CSMD3: variants seen among roughly 807,000 people sequenced by gnomAD.
The protein encoded by CSMD3 is CUB and Sushi multiple domains 3.
In CSMD3, 177 loss-of-function variants were observed where a neutral mutation model predicts 435.2. That is an observed-to-expected ratio of 0.41 (90% CI 0.36 to 0.46). CSMD3 has a LOEUF of 0.46. CSMD3 is among the 20% of genes least tolerant of loss of function. CSMD3 has a pLI of 0.34. For missense variants in CSMD3, 4,265 were observed against 4,504.6 expected (o/e 0.95, Z 1.52); for synonymous variants, 1,656 against 1,520.5 (o/e 1.09, Z -2.07).
rs72670748 is a variant in CSMD3, at chr8:113,300,176, A to C, written c.401+14395T>G. ...CTCAAAAAAGTCAAAAAAAAAAAAA[A>C]AACAACAGATGTTGGTGTGAATGCG... On this transcript the variant is annotated intron_variant, in intron 2 of 70. Coordinates refer to ENST00000297405, the MANE Select transcript of CSMD3 (RefSeq NM_198123.2). Among the ~76,000 whole-genome samples, 145 of 149,596 alleles carry C rather than the reference A, an allele frequency of 9.7e-4. 3 individuals carry two copies. The highest frequency in any genetic ancestry group is 3.3e-3 in the African/African-American group (130 of 39,934).
intron 1 of CSMD3, among the ~76,000 whole-genome samples, chr8:113,364,178 G>C (rs996073776): frequency 2.6e-5 from 4 of 151,980 alleles, no homozygotes; most frequent in Non-Finnish European, 5.9e-5. Context: ...ATCCTTACCA[G>C]AGTTGGCTTT....
At chr8:113,416,373 A>G (rs2094581772) in intron 1 of CSMD3, among the ~76,000 whole-genome samples, 1 of 152,172 alleles carries the variant, frequency 6.6e-6, no homozygotes, top group South Asian at 2.1e-4. Context: ...TTACAATGTA[A>G]CAGCAGTTTT....
At chr8:112,923,357 C>A (rs759648477) in intron 9 of CSMD3, among the ~76,000 whole-genome samples, 3 of 152,078 alleles carry the variant, frequency 2.0e-5, no homozygotes, top group Non-Finnish European at 4.4e-5. Context: ...CTTAAAATTG[C>A]CGATGTGATT....
chr8:113,303,527 G>C (rs1167468046), intron 2 of CSMD3, among the ~76,000 whole-genome samples: 2 of 150,222 alleles, frequency 1.3e-5, no homozygotes, highest in African/African-American at 4.9e-5. Flanking sequence ...CAAGGCTACA[G>C]TAACCAAAAC....
chr8:113,374,685 G>A (rs2094367442), intron 1 of CSMD3, among the ~76,000 whole-genome samples: 1 of 151,876 alleles, frequency 6.6e-6, no homozygotes, highest in Admixed American at 6.6e-5. Flanking sequence ...TGGAGGAATT[G>A]AGGGCATTTG....
chr8:113,231,365 A>T (rs1343958756), intron 3 of CSMD3, among the ~76,000 whole-genome samples: 1 of 151,350 alleles, frequency 6.6e-6, no homozygotes. Flanking sequence ...CTAAAAGCAT[A>T]ACGTAAATTC....
intron 7 of CSMD3, among the ~76,000 whole-genome samples, chr8:112,959,462 T>A (rs1385995286): frequency 6.6e-6 from 1 of 151,946 alleles, no homozygotes; most frequent in Non-Finnish European, 1.5e-5. Flanking sequence ...AATCATATCA[T>A]AATTCTTTTA....
intron 23 of CSMD3, among the ~76,000 whole-genome samples, chr8:112,585,591 A>C (rs1021247571): frequency 6.6e-6 from 1 of 151,692 alleles, no homozygotes; most frequent in Admixed American, 6.6e-5. Context: ...TGTTATCCCA[A>C]ATAAATTACC....
chr8:112,559,662 A>C (rs1828438410), intron 24 of CSMD3, among the ~76,000 whole-genome samples: 1 of 151,910 alleles, frequency 6.6e-6, no homozygotes, highest in Admixed American at 6.6e-5. Context: ...CAGTCTTAAC[A>C]CAACACAATT....
chr8:112,692,748 T>A (rs1336417996), intron 13 of CSMD3, among the ~76,000 whole-genome samples: 1 of 152,218 alleles, frequency 6.6e-6, no homozygotes, highest in African/African-American at 2.4e-5. Context: ...TTACCTGAGA[T>A]AATGTGGTCC....
intron 31 of CSMD3, among the ~76,000 whole-genome samples, chr8:112,474,463 G>A (rs2130765734): frequency 6.6e-6 from 1 of 152,226 alleles, no homozygotes; most frequent in Non-Finnish European, 1.5e-5. Flanking sequence ...GATTTAATAG[G>A]GAGGAAGGAA....
chr8:113,275,984 G>C (rs1484438099), intron 3 of CSMD3, among the ~76,000 whole-genome samples: 2 of 152,106 alleles, frequency 1.3e-5, no homozygotes, highest in South Asian at 2.1e-4. Flanking sequence ...CAAATGCAGG[G>C]GAGTGGGAGA....
chr8:112,339,182 C>CCGAGTCCT (rs1824856589), intron 42 of CSMD3, among the ~76,000 whole-genome samples: 1 of 152,078 alleles, frequency 6.6e-6, no homozygotes, highest in African/African-American at 2.4e-5. Context: ...TGATTGCAGG[C>CCGAGTCCT]CGAGTCCTCG....
At chr8:112,552,755 T>G in intron 25 of CSMD3, 35 bp from the exon 26 acceptor site, 1 of 1,596,148 alleles carries the variant, frequency 6.3e-7, no homozygotes, top group Non-Finnish European at 8.6e-7. Flanking sequence ...AGCCACAATT[T>G]AATGCCAATC....
chr8:112,517,247 A>G, intron 27 of CSMD3, 22 bp from the exon 28 acceptor site: 5 of 1,604,336 alleles, frequency 3.1e-6, no homozygotes, highest in Non-Finnish European at 4.3e-6. Flanking sequence ...CAGAGACAAA[A>G]TTTTAGTTTT....
chr8:112,386,688 G>GGGGT (rs1225623139), intron 36 of CSMD3, among the ~76,000 whole-genome samples: 2 of 151,934 alleles, frequency 1.3e-5, no homozygotes, highest in Non-Finnish European at 2.9e-5. Context: ...TAGTAGAGAC[G>GGGGT]GGGTTTCACT....
At chr8:112,272,267 C>T (rs1242453984) in intron 59 of CSMD3, among the ~76,000 whole-genome samples, 1 of 152,114 alleles carries the variant, frequency 6.6e-6, no homozygotes, top group African/African-American at 2.4e-5. Context: ...AAATTGATAT[C>T]AGGATGTTGG....
chr8:112,899,308 C>A (rs1418656361), intron 10 of CSMD3, among the ~76,000 whole-genome samples: 2 of 150,410 alleles, frequency 1.3e-5, no homozygotes, highest in East Asian at 4.0e-4. Flanking sequence ...ATGGCTCTAC[C>A]CTTATAGAAA....
chr8:112,244,418 T>G lies in CSMD3; in HGVS notation c.10378A>C (p.Thr3460Pro). The change falls in exon 65 of 71, where the codon ACT becomes CCT. Residue 3460 changes from threonine to proline, a missense_variant. Physicochemically the swap from Thr to Pro is conservative, Grantham distance 38. Transcript: ENST00000297405. Reference sequence around the variant, plus strand: ...CCTTCACAAATGGGAACTTTTCCAGTCCAGGTGTTATCGGATCTACACACT... The same window carrying G: ...CCTTCACAAATGGGAACTTTTCCAGGCCAGGTGTTATCGGATCTACACACT... ...HRVCRSDNTW[T>P]GKVPICEAGS... 2.5e-6 allele frequency: 4 copies of G among 1,577,646 alleles called. No homozygotes were observed. The highest frequency in any genetic ancestry group is 3.4e-6 in the Non-Finnish European group (4 of 1,162,700).
Sources: allele counts gnomAD v4.1 joint callset (sites outside exome capture counted in the v4.1 genomes callset), GRCh38; gene constraint gnomAD v4.1.1; transcripts MANE v1.5; gene names NCBI Gene and HGNC (gene_info 2026-07-23, HGNC 2026-07-21).